The following TTC28 variants were observed in gnomAD, a reference collection of about 807,000 sequenced individuals.
The protein encoded by TTC28 is tetratricopeptide repeat domain 28, also known as tetratricopeptide repeat protein 28.
Under a neutral mutation model 198.0 loss-of-function variants are expected in TTC28, and 61 were observed. The observed-to-expected ratio is 0.31, with a 90% CI of 0.25 to 0.38. TTC28 has a LOEUF of 0.38. Ranked by LOEUF, TTC28 falls within the 10% of genes least tolerant of loss-of-function variation. TTC28 has a pLI of 1.00. For synonymous variants in TTC28, 1,171 were observed against 1,297.8 expected (o/e 0.90, Z 2.10); for missense variants, 2,678 against 3,164.0 (o/e 0.85, Z 3.69).
At chr22:28,210,016 T>C (rs946379298) in intron 5 of TTC28, among the ~76,000 whole-genome samples, 2 of 152,164 alleles carry the variant, frequency 1.3e-5, no homozygotes, top group Non-Finnish European at 2.9e-5. Flanking sequence ...GGAGATACCC[T>C]GGCAAACAGG....
chr22:28,598,511 A>G (rs2050580506), intron 2 of TTC28, among the ~76,000 whole-genome samples: 1 of 129,808 alleles, frequency 7.7e-6, no homozygotes, highest in Non-Finnish European at 1.7e-5. Flanking sequence ...TACGTCTCCA[A>G]AAAAAAAAAA....
At chr22:28,591,038 CACATATATATATATATATATAT>C (rs1422975369) in intron 2 of TTC28, among the ~76,000 whole-genome samples, 3 of 24,524 alleles carry the variant, frequency 1.2e-4, no homozygotes, top group African/African-American at 7.2e-4. Context: ...CACACACACA[CACATATATATATATATATATAT>C]ATATATATAT....
chr22:28,467,211 A>T (rs2048034181), intron 2 of TTC28, among the ~76,000 whole-genome samples: 1 of 152,216 alleles, frequency 6.6e-6, no homozygotes, highest in African/African-American at 2.4e-5. Context: ...ACTTGAGCCC[A>T]GGAATTTGAG....
intron 2 of TTC28, among the ~76,000 whole-genome samples, chr22:28,374,993 C>T (rs1025547166): frequency 6.6e-6 from 1 of 151,526 alleles, no homozygotes; most frequent in Non-Finnish European, 1.5e-5. Flanking sequence ...CAGGCTGAGG[C>T]GGGAGGATCG....
At chr22:28,041,650 TA>T (rs1939644668) in intron 12 of TTC28, among the ~76,000 whole-genome samples, 1 of 152,090 alleles carries the variant, frequency 6.6e-6, no homozygotes, top group South Asian at 2.1e-4. Context: ...ACCTAGGCAA[TA>T]CCATTCAGGA....
At chr22:28,293,258 C>T (rs940678490) in intron 5 of TTC28, among the ~76,000 whole-genome samples, 5 of 152,244 alleles carry the variant, frequency 3.3e-5, no homozygotes, top group Admixed American at 1.3e-4. Flanking sequence ...CACACACAGA[C>T]ACATACATAT....
intron 13 of TTC28, among the ~76,000 whole-genome samples, chr22:28,017,584 AGT>A (rs1938423577): frequency 6.6e-6 from 1 of 152,132 alleles, no homozygotes; most frequent in Non-Finnish European, 1.5e-5. Flanking sequence ...TACTTGGGGC[AGT>A]GAGTGTGAGG....
At chr22:28,256,419 C>T (rs1168891300) in intron 5 of TTC28, among the ~76,000 whole-genome samples, 2 of 124,200 alleles carry the variant, frequency 1.6e-5, no homozygotes, top group African/African-American at 3.1e-5. Context: ...AAAACTCCGT[C>T]TCAAAAAAAA....
At chr22:28,574,362 TGTGTGTGTGTGTGTTGTGTGTGA>T (rs1240576464) in intron 2 of TTC28, among the ~76,000 whole-genome samples, 1 of 151,846 alleles carries the variant, frequency 6.6e-6, no homozygotes, top group Non-Finnish European at 1.5e-5. Flanking sequence ...TTTGTGTGTG[TGTGTGTGTGTGTGTTGTGTGTGA>T]GTGTGTGTGT....
chr22:28,221,357 G>GT (rs1299023781), intron 5 of TTC28, among the ~76,000 whole-genome samples: 7 of 152,212 alleles, frequency 4.6e-5, no homozygotes, highest in African/African-American at 1.7e-4. Flanking sequence ...AGGGTAGCAA[G>GT]ACTAATTCTA....
At chr22:28,317,466 A>C (rs2045370508) in intron 2 of TTC28, among the ~76,000 whole-genome samples, 2 of 152,174 alleles carry the variant, frequency 1.3e-5, no homozygotes, top group Non-Finnish European at 2.9e-5. Flanking sequence ...CATTTTATAG[A>C]CTTTATTCCC....
intron 21 of TTC28, among the ~76,000 whole-genome samples, chr22:27,986,644 G>T (rs192453689): frequency 2.2e-4 from 33 of 152,286 alleles, no homozygotes; most frequent in African/African-American, 7.9e-4. Context: ...CATAGTACAC[G>T]ATGTTACTGT....
intron 2 of TTC28, among the ~76,000 whole-genome samples, chr22:28,516,532 T>C (rs2048789710): frequency 6.6e-6 from 1 of 151,564 alleles, no homozygotes. Flanking sequence ...ACACCGCACG[T>C]TTTCACTCAT....
At position 28,590,061 on chromosome 22, in the gene TTC28, A is replaced by AAAAAAAAAAAAC. The variant is rs1555898135; in HGVS notation, c.381+39490_381+39491insGTTTTTTTTTTT. 2.0e-4 allele frequency among the ~76,000 whole-genome samples: 29 copies of AAAAAAAAAAAAC among 142,374 alleles called. 1 individual carries two copies. The highest frequency in any genetic ancestry group is 3.4e-4 in the Non-Finnish European group (22 of 64,160). The allele number at this position is 142,374 out of a possible 152,430, so 93.4% of individuals were successfully genotyped here. A position where few individuals can be genotyped will look rare whatever the true frequency, so the allele number is the denominator to read the frequency against. On this transcript the variant is annotated intron_variant, in intron 2 of 22. Transcript: ENST00000397906. ...AAAAAAAAAAAAAAAAAAAAAAAAA[A>AAAAAAAAAAAAC]ACACAGAAAACCTGAAACTATAACT...
chr22:28,676,894 G>A (rs973110409), intron 1 of TTC28, among the ~76,000 whole-genome samples: 7 of 151,808 alleles, frequency 4.6e-5, no homozygotes, highest in African/African-American at 9.7e-5. Context: ...AGTGGCTCAC[G>A]CCTGTAATCC....
Position 28,014,351 on chromosome 22 carries a change from GAC to G in TTC28, c.4113_4114del (p.Ser1372ThrfsTer26). 1 of 1,551,564 alleles carries G rather than the reference GAC, an allele frequency of 6.4e-7. No individual in the cohort carries two copies. The highest frequency in any genetic ancestry group is 8.7e-7 in the Non-Finnish European group (1 of 1,146,960). On this transcript the variant is annotated frameshift_variant, in exon 14 of 23. Coordinates refer to ENST00000397906, the MANE Select transcript of TTC28 (RefSeq NM_001145418.2). LOFTEE classifies it high-confidence loss of function. ...AGAGGAGGTCCCGTCCTGGGTCGGTGACACAGTGTTACTGAACAGGCTCGTCA... is the reference window on the plus strand; with the variant it reads ...AGAGGAGGTCCCGTCCTGGGTCGGTGACAGTGTTACTGAACAGGCTCGTCA...
intron 2 of TTC28, among the ~76,000 whole-genome samples, chr22:28,558,768 T>C (rs1295697614): frequency 6.6e-6 from 1 of 151,850 alleles, no homozygotes; most frequent in Non-Finnish European, 1.5e-5. Flanking sequence ...CAGTGGCTCA[T>C]GCCTGTAATC....
chr22:28,461,867 A>C (rs1333915299), intron 2 of TTC28, among the ~76,000 whole-genome samples: 1 of 151,816 alleles, frequency 6.6e-6, no homozygotes, highest in Non-Finnish European at 1.5e-5. Context: ...GCTAACCCCC[A>C]CCCAGGTCAT....
chr22:28,141,084 T>A (rs1943320965), intron 6 of TTC28, among the ~76,000 whole-genome samples: 1 of 151,932 alleles, frequency 6.6e-6, no homozygotes, highest in African/African-American at 2.4e-5. Flanking sequence ...AGCAAGTAAA[T>A]TACAATGCCA....
Sources: gnomAD v4.1 joint callset for allele counts (sites outside exome capture counted in the v4.1 genomes callset) on GRCh38, gnomAD v4.1.1 for gene constraint, MANE v1.5 for transcripts, NCBI Gene and HGNC (gene_info 2026-07-23, HGNC 2026-07-21) for gene names.